Variants in RAI1 observed in about 807,000 individuals in gnomAD.
RAI1 encodes retinoic acid-induced protein 1.
RAI1 carries 9 observed loss-of-function variants against 123.8 expected under a neutral mutation model. That is an observed-to-expected ratio of 0.07 (90% CI 0.04 to 0.13). The LOEUF (loss-of-function observed/expected upper bound fraction) is 0.13, where lower values mean the gene tolerates loss of function less well. RAI1 is among the 10% of genes least tolerant of loss of function. RAI1 has a pLI of 1.00. For missense variants in RAI1, 2,256 were observed against 2,545.8 expected (o/e 0.89, Z 2.45); for synonymous variants, 1,231 against 1,127.3 (o/e 1.09, Z -1.84).
rs1268814196 is a variant in RAI1, at chr17:17,792,922, T to C, written c.-16-11T>C. The C allele has an allele frequency of 6.4e-7, 1 of 1,571,342 alleles. No homozygotes were observed. Among genetic ancestry groups the C allele is most frequent in the African/African-American group, 1.4e-5 (1 of 73,780 alleles). ...TTCCCTCCCTCCCTCCCTTCCTTTT[T>C]CTTTTCACAGATAACCAGCCCGAGT... On this transcript the variant is annotated splice_polypyrimidine_tract_variant and intron_variant, in intron 2 of 5. Coordinates refer to ENST00000353383, the MANE Select transcript of RAI1 (RefSeq NM_030665.4).
At chr17:17,771,549 C>T (rs771691540) in intron 2 of RAI1, among the ~76,000 whole-genome samples, 4 of 152,092 alleles carry the variant, frequency 2.6e-5, no homozygotes, top group Non-Finnish European at 5.9e-5. Flanking sequence ...GGTGTTTGCC[C>T]GAAAAGGAGA....
chr17:17,682,031 G>C (rs1052492819), intron 1 of RAI1, among the ~76,000 whole-genome samples: 2 of 150,884 alleles, frequency 1.3e-5, no homozygotes, highest in East Asian at 2.0e-4. Context: ...CTGCGCCGCG[G>C]CTGAGGGTCT....
At chr17:17,752,559 T>TTCCTGTCC (rs1023007706) in intron 2 of RAI1, among the ~76,000 whole-genome samples, 1 of 152,138 alleles carries the variant, frequency 6.6e-6, no homozygotes, top group Non-Finnish European at 1.5e-5. Context: ...AGACCCGGGC[T>TTCCTGTCC]TCCTGTCCGT....
intron 1 of RAI1, chr17:17,684,671 C>CATATATATATAT (rs58265371): frequency 1.2e-4 from 15 of 125,866 alleles, no homozygotes; most frequent in East Asian, 3.6e-4. Context: ...TCACTTAATG[C>CATATATATATAT]ATATATATAT....
chr17:17,792,240 CT>C (rs2032036773), intron 2 of RAI1, among the ~76,000 whole-genome samples: 1 of 152,214 alleles, frequency 6.6e-6, no homozygotes, highest in African/African-American at 2.4e-5. Context: ...TTGGCAGCCC[CT>C]AATCGATGTC....
At chr17:17,728,196 C>T (rs900773898) in intron 2 of RAI1, among the ~76,000 whole-genome samples, 2 of 151,902 alleles carry the variant, frequency 1.3e-5, no homozygotes, top group African/African-American at 4.8e-5. Context: ...TGTGTGAGCA[C>T]ACTGTTTCCT....
intron 1 of RAI1, among the ~76,000 whole-genome samples, chr17:17,691,944 CAGAT>C (rs1222302020): frequency 2.0e-5 from 3 of 152,286 alleles, no homozygotes; most frequent in South Asian, 2.1e-4. Context: ...ATTTCAAACA[CAGAT>C]AGGGGTGAGG....
intron 1 of RAI1, among the ~76,000 whole-genome samples, chr17:17,699,338 G>GC (rs1042588867): frequency 1.1e-4 from 16 of 152,360 alleles, no homozygotes; most frequent in African/African-American, 3.8e-4. Context: ...GCTGCCTCAG[G>GC]CCCCACCTGC....
chr17:17,683,529 C>T (rs1235257651), intron 1 of RAI1: 1 of 152,238 alleles, frequency 6.6e-6, no homozygotes, highest in Non-Finnish European at 1.5e-5. Flanking sequence ...GTTTCCCACC[C>T]CTCCCCCTCT....
chr17:17,747,533 G>C (rs1304491473), intron 2 of RAI1, among the ~76,000 whole-genome samples: 1 of 152,210 alleles, frequency 6.6e-6, no homozygotes, highest in Non-Finnish European at 1.5e-5. Flanking sequence ...CCTGGGCTGA[G>C]AACGAATTCT....
At position 17,805,940 on chromosome 17, in the gene RAI1, T is replaced by C. The variant is rs118126438; in HGVS notation, c.5659+2091T>C. On this transcript the variant is annotated intron_variant, in intron 4 of 5. Transcript: ENST00000353383. ...GTTGTTTCCAGCCATCTTCACAGAT[T>C]GGCTGCCTCACCCACAGCACACAGC... 5.7e-3 allele frequency among the ~76,000 whole-genome samples: 872 copies of C among 152,350 alleles called. 16 individuals carry two copies. The East Asian group carries it at 0.064, about 11-fold the overall frequency.
intron 2 of RAI1, among the ~76,000 whole-genome samples, chr17:17,791,041 A>G (rs2031994480): frequency 1.3e-5 from 2 of 152,236 alleles, no homozygotes; most frequent in Admixed American, 1.3e-4. Flanking sequence ...GCTGCTTGTT[A>G]GGGATGCCTG....
At position 17,797,847 on chromosome 17, in the gene RAI1, T is replaced by TTCCTCA; in HGVS notation, c.4905_4910dup (p.Ser1638_Ser1639dup). The stretch of plus-strand genomic sequence containing the variant: ...GGAAGCCTTCCTCCTCTGCCTCCTC[T>TTCCTCA]TCCTCATCCTCGTCCTCGTTCTCCT... On this transcript the variant is annotated inframe_insertion, in exon 3 of 6. Transcript: ENST00000353383. The TTCCTCA allele has an allele frequency of 6.2e-7, 1 of 1,613,982 alleles. No individual in the cohort carries two copies. Among genetic ancestry groups the TTCCTCA allele is most frequent in the Non-Finnish European group, 8.5e-7 (1 of 1,179,998 alleles).
intron 2 of RAI1, among the ~76,000 whole-genome samples, chr17:17,765,044 G>A (rs1164377620): frequency 6.6e-6 from 1 of 152,216 alleles, no homozygotes; most frequent in African/African-American, 2.4e-5. Context: ...GAGGATCTTC[G>A]GTGGCTTGCG....
chr17:17,785,996 T>C (rs1424752865), intron 2 of RAI1, among the ~76,000 whole-genome samples: 1 of 152,224 alleles, frequency 6.6e-6, no homozygotes, highest in African/African-American at 2.4e-5. Flanking sequence ...ATGAGAGCTG[T>C]CCCTTTTTGT....
intron 1 of RAI1, among the ~76,000 whole-genome samples, chr17:17,690,185 G>C (rs888461198): frequency 6.6e-6 from 1 of 152,088 alleles, no homozygotes; most frequent in African/African-American, 2.4e-5. Flanking sequence ...GGGAGTTCGA[G>C]ACCAGCCTGG....
intron 2 of RAI1, among the ~76,000 whole-genome samples, chr17:17,763,386 T>G (rs943625489): frequency 6.6e-6 from 1 of 152,216 alleles, no homozygotes; most frequent in Non-Finnish European, 1.5e-5. Context: ...TCTCACTCCC[T>G]TCCTTGCTTG....
At chr17:17,729,964 C>G (rs928224568) in intron 2 of RAI1, among the ~76,000 whole-genome samples, 1 of 152,136 alleles carries the variant, frequency 6.6e-6, no homozygotes, top group African/African-American at 2.4e-5. Context: ...GAACCTGGTC[C>G]CACATCTTAG....
At chr17:17,748,118 G>A (rs2029998013) in intron 2 of RAI1, among the ~76,000 whole-genome samples, 2 of 152,216 alleles carry the variant, frequency 1.3e-5, no homozygotes, top group African/African-American at 4.8e-5. Flanking sequence ...TGTCTTACAT[G>A]GTGGCAGGCA....
Sources: gnomAD v4.1 joint callset for allele counts (sites outside exome capture counted in the v4.1 genomes callset) on GRCh38, gnomAD v4.1.1 for gene constraint, MANE v1.5 for transcripts, NCBI Gene and HGNC (gene_info 2026-07-23, HGNC 2026-07-21) for gene names.